Variants in ZNF407 observed in about 807,000 individuals in gnomAD.
The protein encoded by ZNF407 is zinc finger protein 407.
In ZNF407, 17 loss-of-function variants were observed where a neutral mutation model predicts 131.2. That is an observed-to-expected ratio of 0.13 (90% confidence interval 0.09 to 0.19). The LOEUF is 0.19. ZNF407 is among the 10% of genes least tolerant of loss of function. The probability of loss-of-function intolerance (pLI) is 1.00; values close to 1 mark genes in which losing one functional copy is unlikely to be tolerated. For missense variants in ZNF407, 2,681 were observed against 2,830.6 expected, an observed-to-expected ratio of 0.95 and a Z score of 1.20; for synonymous variants, 1,156 against 1,062.0, an observed-to-expected ratio of 1.09 and a Z score of -1.72.
chr18:74,624,310 A>G (rs1260181898), intron 1 of ZNF407, among the ~76,000 whole-genome samples: 1 of 152,158 alleles, frequency 6.6e-6, no homozygotes, highest in Non-Finnish European at 1.5e-5. Context: ...TCTTCTTTAA[A>G]AAAGACCCGT....
At chr18:74,766,474 C>T (rs1451364098) in intron 3 of ZNF407, among the ~76,000 whole-genome samples, 5 of 152,152 alleles carry the variant, frequency 3.3e-5, no homozygotes, top group East Asian at 1.9e-4. Context: ...GCAATGCCTG[C>T]GCGCTATGGT....
intron 8 of ZNF407, among the ~76,000 whole-genome samples, chr18:75,031,506 G>A (rs913007401): frequency 2.2e-4 from 33 of 152,134 alleles, no homozygotes; most frequent in Admixed American, 3.9e-4. Flanking sequence ...GCTAGTTTGC[G>A]TTAGACAGAT....
At chr18:74,820,201 A>G (rs1423506055) in intron 4 of ZNF407, among the ~76,000 whole-genome samples, 1 of 152,178 alleles carries the variant, frequency 6.6e-6, no homozygotes, top group Non-Finnish European at 1.5e-5. Context: ...CACTGAATAG[A>G]TGGGAGGTTT....
intron 8 of ZNF407, among the ~76,000 whole-genome samples, chr18:74,930,024 A>G (rs533746858): frequency 6.6e-6 from 1 of 152,322 alleles, no homozygotes; most frequent in African/African-American, 2.4e-5. Context: ...TAGCATTAAT[A>G]CGTTGCCATT....
chr18:75,021,121 C>T (rs2122202780), intron 8 of ZNF407, among the ~76,000 whole-genome samples: 1 of 152,054 alleles, frequency 6.6e-6, no homozygotes, highest in East Asian at 1.9e-4. Flanking sequence ...AGATTCAAAG[C>T]TAAATACATC....
intron 3 of ZNF407, among the ~76,000 whole-genome samples, chr18:74,779,187 C>T (rs1340011016): frequency 3.6e-5 from 5 of 139,980 alleles, no homozygotes; most frequent in Non-Finnish European, 6.1e-5. Context: ...GCAATCTCGG[C>T]TCACTGCAAG....
rs748197399 is a variant in ZNF407 at position 74,635,163 on chromosome 18, A to G, written c.4144A>G (p.Thr1382Ala). The stretch of plus-strand genomic sequence containing the variant: ...CCAGTCTGAAGAGGGCTTGATAGCA[A>G]CGGGAGTGAGAATTAGTGAGCTGCC... ...IDQSEEGLIA[T>A]GVRISELPLK... is the part of the protein sequence containing the mutation. The change falls in exon 2 of 9, where the codon ACG becomes GCG. Residue 1382 changes from threonine (T) to alanine (A), a missense_variant. Thr to Ala is a moderately conservative substitution (Grantham distance 58). Coordinates refer to ENST00000299687, the MANE Select transcript of ZNF407 (RefSeq NM_017757.3). The surrounding 1 kb of genome is among the most constrained non-coding windows in gnomAD (Gnocchi z 4.7). The G allele has an allele frequency of 8.7e-6, 14 of 1,613,898 alleles. No homozygotes were observed. In the East Asian group the frequency reaches 3.1e-4, roughly 36 times the overall value.
chr18:74,726,951 C>G (rs919118123), intron 3 of ZNF407, among the ~76,000 whole-genome samples: 12 of 152,130 alleles, frequency 7.9e-5, no homozygotes, highest in Non-Finnish European at 1.5e-4. Flanking sequence ...GATAGTCAAT[C>G]TGTGGACAAG....
chr18:74,959,979 A>G (rs550545641), intron 8 of ZNF407, among the ~76,000 whole-genome samples: 3 of 152,334 alleles, frequency 2.0e-5, no homozygotes, highest in South Asian at 2.1e-4. Context: ...GTGCATTTGT[A>G]TAACTCATTT....
At chr18:74,993,030 A>G (rs549948863) in intron 8 of ZNF407, among the ~76,000 whole-genome samples, 9 of 152,214 alleles carry the variant, frequency 5.9e-5, no homozygotes, top group Non-Finnish European at 1.2e-4. Flanking sequence ...CATTGCTGGT[A>G]GTACTGTAAA....
At position 74,634,185 on chromosome 18, in the gene ZNF407, G is replaced by A; in HGVS notation, c.3166G>A (p.Val1056Met). Reference protein sequence around the residue: ...FYCMACDYYAVTRREMTRHAA... With the variant: ...FYCMACDYYAMTRREMTRHAA... ...TTGCATGGCATGCGATTACTACGCG[G>A]TGACTCGTCGCGAGATGACCAGGCA... is the stretch of plus-strand genomic sequence containing the variant. Residue 1056 changes from valine (V) to methionine (M), a missense_variant, in exon 2 of 9, where the codon GTG becomes ATG. This residue lies in a region of ZNF407 where 1,789 missense variants were observed against 1,748.7 expected (regional missense o/e 1.02). Coordinates refer to ENST00000299687, the MANE Select transcript of ZNF407 (RefSeq NM_017757.3). 6.2e-7 allele frequency: 1 copy of A among 1,614,030 alleles called. No homozygotes were observed. Among genetic ancestry groups the A allele is most frequent in the Non-Finnish European group, 8.5e-7 (1 of 1,179,904 alleles).
At chr18:74,912,635 A>T (rs1414445938) in intron 7 of ZNF407, among the ~76,000 whole-genome samples, 2 of 152,216 alleles carry the variant, frequency 1.3e-5, no homozygotes, top group Non-Finnish European at 2.9e-5. Flanking sequence ...CAAATCTAGT[A>T]TTTAATGTGA....
intron 1 of ZNF407, among the ~76,000 whole-genome samples, chr18:74,627,752 A>ATGTT (rs139171681): frequency 6.6e-6 from 1 of 151,826 alleles, no homozygotes; most frequent in Non-Finnish European, 1.5e-5. Context: ...TGGTAAAGAA[A>ATGTT]TGTTTGTTTG....
At chr18:74,982,910 C>T (rs1379024701) in intron 8 of ZNF407, among the ~76,000 whole-genome samples, 1 of 152,132 alleles carries the variant, frequency 6.6e-6, no homozygotes, top group East Asian at 1.9e-4. Flanking sequence ...CAACCCTGTT[C>T]ATTGTTATTC....
At chr18:74,829,698 T>A (rs938931598) in intron 4 of ZNF407, among the ~76,000 whole-genome samples, 1 of 152,150 alleles carries the variant, frequency 6.6e-6, no homozygotes, top group African/African-American at 2.4e-5. Flanking sequence ...AATTATTGCT[T>A]TAGGTTTCTT....
In ZNF407 at chr18:74,617,843, C is replaced by T. The variant is rs1983380787; in HGVS notation, c.-53-13124C>T. 3.3e-5 allele frequency among the ~76,000 whole-genome samples: 5 copies of T among 151,788 alleles called. No individual in the cohort carries two copies. The South Asian group carries it at 1.0e-3, about 31-fold the overall frequency. On this transcript the variant is annotated intron_variant, in intron 1 of 8. Transcript: ENST00000299687. ...TTAACACCATGCAGACATTTGGCTG[C>T]AAATCTAAAACGCCCCCCCTAGATT...
intron 8 of ZNF407, among the ~76,000 whole-genome samples, chr18:75,049,113 T>TG (rs1973469920): frequency 1.2e-5 from 1 of 80,280 alleles, no homozygotes; most frequent in Non-Finnish European, 2.4e-5. Flanking sequence ...GGGGGGGGGG[T>TG]GGGGGAGTTG....
At chr18:74,753,265 A>C (rs575878981) in intron 3 of ZNF407, among the ~76,000 whole-genome samples, 2 of 150,466 alleles carry the variant, frequency 1.3e-5, no homozygotes, top group African/African-American at 4.8e-5. Context: ...GTTGCTTATC[A>C]GCTTAAGTTT....
At chr18:75,005,420 C>G (rs1197760509) in intron 8 of ZNF407, among the ~76,000 whole-genome samples, 1 of 151,954 alleles carries the variant, frequency 6.6e-6, no homozygotes, top group Non-Finnish European at 1.5e-5. Flanking sequence ...AGACCCTGTC[C>G]CAAACTTAGC....
Sources: gnomAD v4.1 joint callset for allele counts (sites outside exome capture counted in the v4.1 genomes callset) on GRCh38, gnomAD v4.1.1 for gene constraint, gnomAD v4.1.1 regional missense constraint, Gnocchi (gnomAD v3.1) non-coding constraint, MANE v1.5 for transcripts, NCBI Gene and HGNC (gene_info 2026-07-23, HGNC 2026-07-21) for gene names.